The following ARSG variants were observed in gnomAD, a reference collection of about 807,000 sequenced individuals.
ARSG encodes the protein arylsulfatase G, also known as ASG.
In ARSG, 37 loss-of-function variants were observed where a neutral mutation model predicts 50.5. The observed-to-expected ratio is 0.73, with a 90% confidence interval of 0.56 to 0.96. The LOEUF (loss-of-function observed/expected upper bound fraction) is 0.96. Among genes scored for constraint, ARSG ranks in the 50% least tolerant of loss-of-function variants. The probability of loss-of-function intolerance (pLI) is 0.00; values close to 1 mark genes in which losing one functional copy is unlikely to be tolerated. For synonymous variants in ARSG, 225 were observed against 254.6 expected (o/e 0.88, Z 1.11); for missense variants, 629 against 675.3 (o/e 0.93, Z 0.76).
chr17:68,283,878 CAAA>C (rs58291216), intron 1 of ARSG, among the ~76,000 whole-genome samples: 4 of 55,426 alleles, frequency 7.2e-5, no homozygotes, highest in Non-Finnish European at 1.0e-4. Flanking sequence ...AACTCCGTCT[CAAA>C]AAAAAAAAAA....
chr17:68,385,031 T>C (rs1355794906), intron 8 of ARSG, 33 bp from the exon 9 acceptor site: 2 of 1,575,092 alleles, frequency 1.3e-6, no homozygotes, highest in African/African-American at 1.4e-5. Context: ...GTTATCACCA[T>C]GGATGAACCA....
intron 1 of ARSG, among the ~76,000 whole-genome samples, chr17:68,260,556 C>T (rs528109542): frequency 4.5e-4 from 69 of 152,286 alleles, no homozygotes; most frequent in African/African-American, 1.3e-3. Context: ...GGCATGATCA[C>T]GGCTCACTGG....
chr17:68,405,129 G>A (rs1044886378), intron 11 of ARSG, among the ~76,000 whole-genome samples: 3 of 127,888 alleles, frequency 2.3e-5, no homozygotes, highest in African/African-American at 1.1e-4. Flanking sequence ...ACAGCTTTGG[G>A]CTTTTTTTTT....
chr17:68,427,071 G>T, downstream of ARSG: 1 of 1,356,944 alleles, frequency 7.4e-7, no homozygotes, highest in Non-Finnish European at 1.1e-6. Context: ...GAGGGAGCGT[G>T]CAGGGAGAAG....
intron 10 of ARSG, among the ~76,000 whole-genome samples, chr17:68,397,261 A>C (rs1433961579): frequency 6.6e-6 from 1 of 152,146 alleles, no homozygotes; most frequent in African/African-American, 2.4e-5. Flanking sequence ...TGGCGTGGTT[A>C]ATGCAGCTGG....
At chr17:68,361,848 G>T (rs1035678030) in intron 6 of ARSG, among the ~76,000 whole-genome samples, 1 of 152,066 alleles carries the variant, frequency 6.6e-6, no homozygotes, top group Non-Finnish European at 1.5e-5. Context: ...CCCAGGAGAC[G>T]GAGGTTGCAG....
chr17:68,265,753 G>GT (rs56355626), intron 1 of ARSG, among the ~76,000 whole-genome samples: 3,894 of 134,164 alleles, frequency 0.029, 157 homozygotes, highest in African/African-American at 0.09. Flanking sequence ...AGTGTGTGTT[G>GT]TTTTTTTTTT....
chr17:68,349,327 A>G (rs953842290), intron 4 of ARSG, among the ~76,000 whole-genome samples: 1 of 152,100 alleles, frequency 6.6e-6, no homozygotes, highest in African/African-American at 2.4e-5. Context: ...AACAGCCAAT[A>G]TGTACAGTCA....
the ARSG span, among the ~76,000 whole-genome samples, chr17:68,449,268 G>A: frequency 4.6e-5 from 7 of 152,180 alleles, no homozygotes; most frequent in Non-Finnish European, 8.8e-5. Flanking sequence ...TTATGAGCAC[G>A]TATCTACCAA....
At chr17:68,313,735 A>G (rs1045043696) in intron 2 of ARSG, among the ~76,000 whole-genome samples, 10 of 142,914 alleles carry the variant, frequency 7.0e-5, no homozygotes, top group Non-Finnish European at 1.0e-4. Flanking sequence ...GCTGGAGTGC[A>G]GTGGTGCAAT....
chr17:68,349,449 C>A (rs1322497858), intron 4 of ARSG, among the ~76,000 whole-genome samples: 2 of 152,210 alleles, frequency 1.3e-5, no homozygotes, highest in East Asian at 3.8e-4. Flanking sequence ...TTGGCTCTTT[C>A]CGGCAGAAGT....
chr17:68,397,913 T>C (rs9889884), intron 10 of ARSG, among the ~76,000 whole-genome samples: 123,746 of 151,948 alleles, frequency 0.81, 50,714 homozygotes, highest in African/African-American at 0.91. Flanking sequence ...ATTACAGGCG[T>C]TCACCACCAC....
downstream of ARSG, among the ~76,000 whole-genome samples, chr17:68,423,320 T>G (rs905552235): frequency 6.6e-6 from 1 of 152,202 alleles, no homozygotes; most frequent in African/African-American, 2.4e-5. The surrounding 1 kb of genome is among the most constrained non-coding windows in gnomAD (Gnocchi z 4.4). Flanking sequence ...TGATAGAGCA[T>G]CCCAGGAGCA....
upstream of ARSG, among the ~76,000 whole-genome samples, chr17:68,289,375 A>C (rs539081047): frequency 1.1e-4 from 17 of 152,276 alleles, no homozygotes; most frequent in African/African-American, 3.6e-4. Context: ...TAATTTGTCG[A>C]GAGAAGATTT....
chr17:68,297,969 C>CTTTTT (rs56199177), intron 1 of ARSG, among the ~76,000 whole-genome samples: 2 of 132,064 alleles, frequency 1.5e-5, no homozygotes, highest in African/African-American at 2.8e-5. Context: ...TACTGTGACT[C>CTTTTT]TTTTTTTTTT....
chr17:68,407,861 C>G lies in ARSG; in HGVS notation c.1303+6411C>G, dbSNP rs183108863. ...ATGCCCTTTTACTGATTTGAATGCCCTTTACTTCTTTCTCTTGTCTTGCTC... is the reference window on the plus strand; with the variant it reads ...ATGCCCTTTTACTGATTTGAATGCCGTTTACTTCTTTCTCTTGTCTTGCTC... On this transcript the variant is annotated intron_variant, in intron 11 of 11. Coordinates refer to ENST00000621439, the MANE Select transcript of ARSG (RefSeq NM_001267727.2). 3.9e-5 allele frequency among the ~76,000 whole-genome samples: 6 copies of G among 152,140 alleles called. No homozygotes were observed. The East Asian group carries it at 1.2e-3, about 29-fold the overall frequency.
intron 11 of ARSG, among the ~76,000 whole-genome samples, chr17:68,407,477 T>C (rs1301093879): frequency 6.6e-6 from 1 of 152,220 alleles, no homozygotes; most frequent in Non-Finnish European, 1.5e-5. Context: ...ATATTGATTC[T>C]ACCCATCCAT....
chr17:68,309,452 C>T (rs1053706376), intron 2 of ARSG, among the ~76,000 whole-genome samples: 2 of 152,246 alleles, frequency 1.3e-5, no homozygotes, highest in East Asian at 1.9e-4. Context: ...TGAGGACTGC[C>T]AGCACGCTGT....
Position 68,381,133 on chromosome 17 carries a change from G to A in ARSG, c.983-3931G>A, listed in dbSNP as rs1189192475. 6.6e-6 allele frequency among the ~76,000 whole-genome samples: 1 copy of A among 152,214 alleles called. No individual in the cohort carries two copies. Among genetic ancestry groups the A allele is most frequent in the East Asian group, 1.9e-4 (1 of 5,190 alleles). On this transcript the variant is annotated intron_variant, in intron 8 of 11. Coordinates refer to ENST00000621439, the MANE Select transcript of ARSG (RefSeq NM_001267727.2). This position sits in a 1 kb window ranked among gnomAD's most constrained non-coding sequence, Gnocchi z 4.1. ...TCCTTGTTTGCTGCATTGCCTTTCT[G>A]ACTCAGTGAAACATGGCCCTTGGGT...
Sources: allele counts gnomAD v4.1 joint callset (sites outside exome capture counted in the v4.1 genomes callset), GRCh38; gene constraint gnomAD v4.1.1; non-coding constraint Gnocchi (gnomAD v3.1); transcripts MANE v1.5; gene names NCBI Gene and HGNC (gene_info 2026-07-23, HGNC 2026-07-21).